Variants in CSMD2 observed in about 807,000 individuals in gnomAD.
CSMD2 encodes the protein CUB and Sushi multiple domains 2, also known as CUB and sushi domain-containing protein 2.
Under a neutral mutation model 398.5 loss-of-function variants are expected in CSMD2, and 130 were observed. The observed-to-expected ratio is 0.33, with a 90% CI of 0.28 to 0.38. The LOEUF (loss-of-function observed/expected upper bound fraction) is 0.38, where lower values mean the gene tolerates loss of function less well. CSMD2 is among the 10% of genes least tolerant of loss of function. The pLI, the probability that CSMD2 is intolerant of heterozygous loss-of-function variation, is 1.00. For synonymous variants in CSMD2, 1,828 were observed against 1,908.5 expected (o/e 0.96, Z 1.10); for missense variants, 3,829 against 4,764.9 (o/e 0.80, Z 5.78).
intron 13 of CSMD2, among the ~76,000 whole-genome samples, chr1:33,757,802 T>C (rs889177897): frequency 1.2e-4 from 18 of 152,226 alleles, no homozygotes; most frequent in Admixed American, 1.1e-3. Flanking sequence ...TCATATTCAA[T>C]CAGTAACTAA....
rs1310007593 is a variant in CSMD2, at chr1:33,550,230, G to A, written c.8864C>T (p.Thr2955Ile). 3 of 1,614,192 alleles carry A rather than the reference G, an allele frequency of 1.9e-6. No individual in the cohort carries two copies. Among genetic ancestry groups the A allele is most frequent in the Non-Finnish European group, 1.7e-6 (2 of 1,180,032 alleles). ...GTGTCCATCCAGCCCACACATGCGGGTGCTGTTTCCCACCAGAGTACGCTT... is the reference window on the plus strand; with the variant it reads ...GTGTCCATCCAGCCCACACATGCGGATGCTGTTTCCCACCAGAGTACGCTT... Reference protein sequence around the residue: ...IGKRTLVGNSTRMCGLDGHWT... With the variant: ...IGKRTLVGNSIRMCGLDGHWT... Residue 2955 changes from threonine (T) to isoleucine (I), a missense_variant, in exon 56 of 71, where the codon ACC (threonine) becomes ATC (isoleucine). This residue lies in a region of CSMD2 where 917 missense variants were observed against 1,199.5 expected (regional missense o/e 0.76). Coordinates refer to ENST00000373381, the MANE Select transcript of CSMD2 (RefSeq NM_001281956.2).
intron 10 of CSMD2, among the ~76,000 whole-genome samples, chr1:33,810,039 C>T (rs1159615410): frequency 6.6e-6 from 1 of 152,016 alleles, no homozygotes; most frequent in Non-Finnish European, 1.5e-5. Context: ...ATATACCATA[C>T]TCATGAACTG....
intron 3 of CSMD2, among the ~76,000 whole-genome samples, chr1:34,001,629 T>C (rs940186531): frequency 6.6e-6 from 1 of 152,210 alleles, no homozygotes; most frequent in Non-Finnish European, 1.5e-5. Flanking sequence ...TATCTGACAG[T>C]GGACTCTGGC....
rs1227348609 is a variant in CSMD2, at chr1:34,136,510, T to G, written c.187+28401A>C. ...ACAGACACAGTCTTTCACAGAGCTA[T>G]GTGAACATGGTCTGTGCTGGGGTTA... On this transcript the variant is annotated intron_variant, in intron 1 of 70. Coordinates refer to ENST00000373381, the MANE Select transcript of CSMD2 (RefSeq NM_001281956.2). Among the ~76,000 whole-genome samples the G allele has an allele frequency of 1.3e-5, 2 of 152,240 alleles. 1 individual carries two copies. The highest frequency in any genetic ancestry group is 4.8e-5 in the African/African-American group (2 of 41,468).
intron 16 of CSMD2, 88 bp downstream of exon 16, chr1:33,726,459 G>A: frequency 6.9e-7 from 1 of 1,438,950 alleles, no homozygotes; most frequent in Non-Finnish European, 9.4e-7. Context: ...CGTTGGTACT[G>A]GTCCCCTATC....
chr1:34,139,624 A>G (rs1246999550), intron 1 of CSMD2, among the ~76,000 whole-genome samples: 1 of 152,238 alleles, frequency 6.6e-6, no homozygotes, highest in African/African-American at 2.4e-5. Flanking sequence ...ACATACCCAC[A>G]TATACACATT....
chr1:33,773,831 C>T (rs1221968913), intron 12 of CSMD2, among the ~76,000 whole-genome samples: 1 of 152,008 alleles, frequency 6.6e-6, no homozygotes, highest in Non-Finnish European at 1.5e-5. Flanking sequence ...GTTTTTTGGA[C>T]ACTACCTAGG....
chr1:33,997,741 G>A (rs1646773014), intron 3 of CSMD2, among the ~76,000 whole-genome samples: 1 of 151,938 alleles, frequency 6.6e-6, no homozygotes, highest in Non-Finnish European at 1.5e-5. Context: ...AGTTGGAGGG[G>A]AGAAAGAAGG....
At chr1:34,134,414 TAC>T (rs1378514504) in intron 1 of CSMD2, among the ~76,000 whole-genome samples, 1 of 152,208 alleles carries the variant, frequency 6.6e-6, no homozygotes, top group Non-Finnish European at 1.5e-5. Context: ...AAGTAGTCAC[TAC>T]ATTACCATAG....
intron 5 of CSMD2, among the ~76,000 whole-genome samples, chr1:33,855,298 T>C (rs1447145243): frequency 6.6e-6 from 1 of 152,162 alleles, no homozygotes; most frequent in Non-Finnish European, 1.5e-5. Context: ...CTACAGCTGA[T>C]TGGATCCTGG....
chr1:33,569,653 C>G (rs1170191043), intron 51 of CSMD2, 106 bp from the exon 52 acceptor site: 1 of 1,155,546 alleles, frequency 8.7e-7, no homozygotes, highest in Non-Finnish European at 1.2e-6. Context: ...TAACCTTACT[C>G]TGCTGGAATT....
chr1:33,622,515 C>T (rs1641837595), intron 36 of CSMD2, among the ~76,000 whole-genome samples: 2 of 152,196 alleles, frequency 1.3e-5, no homozygotes, highest in African/African-American at 2.4e-5. Flanking sequence ...GCCATGTGCC[C>T]GCAGGAGGGT....
At chr1:33,562,468 C>A (rs1658660291) in intron 53 of CSMD2, among the ~76,000 whole-genome samples, 1 of 152,204 alleles carries the variant, frequency 6.6e-6, no homozygotes, top group Admixed American at 6.5e-5. Context: ...ACCAGAGATA[C>A]TGTTGACTGG....
chr1:33,756,157 T>A (rs188798747), intron 13 of CSMD2, among the ~76,000 whole-genome samples: 3 of 152,330 alleles, frequency 2.0e-5, no homozygotes, highest in African/African-American at 7.2e-5. Context: ...ACAGATCCAT[T>A]TCAGGGTCAT....
chr1:33,965,248 G>A (rs1345835885), intron 3 of CSMD2, among the ~76,000 whole-genome samples: 1 of 152,160 alleles, frequency 6.6e-6, no homozygotes, highest in Non-Finnish European at 1.5e-5. Context: ...AGGGCCTCTT[G>A]GGGGAAGGCC....
chr1:33,718,759 T>C (rs1011278849), intron 19 of CSMD2, among the ~76,000 whole-genome samples: 5 of 152,230 alleles, frequency 3.3e-5, no homozygotes, highest in African/African-American at 1.2e-4. Flanking sequence ...ACATTTTTTA[T>C]AAATGATGGT....
intron 55 of CSMD2, 62 bp downstream of exon 55, chr1:33,557,668 AGGGG>A: frequency 2.3e-6 from 3 of 1,319,264 alleles, no homozygotes; most frequent in Non-Finnish European, 3.1e-6. Context: ...ACATGCACAG[AGGGG>A]AGGACTGTTC....
intron 32 of CSMD2, among the ~76,000 whole-genome samples, chr1:33,628,423 C>G (rs1173181336): frequency 6.6e-6 from 1 of 152,118 alleles, no homozygotes; most frequent in Non-Finnish European, 1.5e-5. Context: ...GATCCCAACA[C>G]TTTGGGAGGC....
At chr1:33,690,368 C>T (rs142291414) in intron 25 of CSMD2, among the ~76,000 whole-genome samples, 1 of 152,264 alleles carries the variant, frequency 6.6e-6, no homozygotes, top group African/African-American at 2.4e-5. Flanking sequence ...CTAGGGTCAC[C>T]TTTTCCAGAA....
Sources: gnomAD v4.1 joint callset for allele counts (sites outside exome capture counted in the v4.1 genomes callset) on GRCh38, gnomAD v4.1.1 for gene constraint, gnomAD v4.1.1 regional missense constraint, MANE v1.5 for transcripts, NCBI Gene and HGNC (gene_info 2026-07-23, HGNC 2026-07-21) for gene names.